The following PLCH1 variants were observed in gnomAD, a reference collection of about 807,000 sequenced individuals.
PLCH1 encodes 1-phosphatidylinositol 4,5-bisphosphate phosphodiesterase eta-1.
PLCH1 carries 60 observed loss-of-function variants against 126.7 expected under a neutral mutation model. The ratio of observed to expected loss-of-function variants is 0.47; its 90% CI spans 0.38 to 0.59. The LOEUF is 0.59. Ranked by LOEUF, PLCH1 falls within the 20% of genes least tolerant of loss-of-function variation. PLCH1 has a pLI of 0.00. For missense variants in PLCH1, 1,723 were observed against 2,040.0 expected, an observed-to-expected ratio of 0.84 and a Z score of 2.99; for synonymous variants, 719 against 734.9, an observed-to-expected ratio of 0.98 and a Z score of 0.35.
At chr3:155,501,809 A>C (rs921508211) in intron 13 of PLCH1, among the ~76,000 whole-genome samples, 2 of 152,114 alleles carry the variant, frequency 1.3e-5, no homozygotes, top group Admixed American at 6.6e-5. Context: ...ATAAATAAAT[A>C]AACAATACAA....
chr3:155,742,787 C>A (rs950202681), intron 1 of PLCH1: 5 of 152,858 alleles, frequency 3.3e-5, no homozygotes, highest in Non-Finnish European at 7.3e-5. Context: ...TGGGAGACAA[C>A]TTTAACAGCA....
intron 2 of PLCH1, among the ~76,000 whole-genome samples, chr3:155,681,584 A>T (rs1159997095): frequency 6.6e-6 from 1 of 152,144 alleles, no homozygotes; most frequent in African/African-American, 2.4e-5. Flanking sequence ...CTCTTTTTTT[A>T]TCTGAATGTC....
At position 155,497,413 on chromosome 3, in the gene PLCH1, C is replaced by G. The variant is rs1717204305; in HGVS notation, c.1801G>C (p.Gly601Arg). The G allele has an allele frequency of 1.2e-6, 2 of 1,612,140 alleles. No individual in the cohort carries two copies. Among genetic ancestry groups the G allele is most frequent in the Non-Finnish European group, 1.7e-6 (2 of 1,178,252 alleles). ...AGCTTCATGGTTTTCCTTCGGCGAC[C>G]CAATCTGTGAAGTACCCACAGAGGA... ...GKEGGQLYRLGRRRKTMKLCR... is the reference protein window; with the variant it reads ...GKEGGQLYRLRRRRKTMKLCR... The change falls in exon 15 of 23, where the codon GGT becomes CGT. Residue 601 changes from glycine (G) to arginine (R), a missense_variant. Around this residue, in one of 2 missense-constraint regions of PLCH1, gnomAD observed 776 missense variants for 1,062.9 expected, o/e 0.73. Coordinates refer to ENST00000460012, the MANE Select transcript of PLCH1 (RefSeq NM_014996.4).
In PLCH1 at chr3:155,604,571, G is replaced by A. The variant is rs148517508; in HGVS notation, c.80-8193C>T. 7.2e-3 allele frequency among the ~76,000 whole-genome samples: 1,094 copies of A among 152,280 alleles called. 7 individuals carry two copies. The highest frequency in any genetic ancestry group is 0.021 in the South Asian group (100 of 4,824). Reference sequence around the variant, plus strand: ...AAAGGGTGAAAGGAATTCATCAGTAGTTTGTTAAATGTCAGACCTTTTTCT... The same window carrying A: ...AAAGGGTGAAAGGAATTCATCAGTAATTTGTTAAATGTCAGACCTTTTTCT... On this transcript the variant is annotated intron_variant, in intron 2 of 22. Transcript: ENST00000460012.
chr3:155,724,978 T>C (rs1748217008), intron 1 of PLCH1, among the ~76,000 whole-genome samples: 2 of 152,198 alleles, frequency 1.3e-5, no homozygotes, highest in Admixed American at 1.3e-4. Flanking sequence ...TTAGTAGTTG[T>C]GAATTTTCTC....
At chr3:155,619,780 G>C (rs1189600439) in intron 2 of PLCH1, among the ~76,000 whole-genome samples, 1 of 151,914 alleles carries the variant, frequency 6.6e-6, no homozygotes, top group South Asian at 2.1e-4. Context: ...TCCAACCACA[G>C]ACAGTTGGAA....
intron 1 of PLCH1, among the ~76,000 whole-genome samples, chr3:155,735,745 C>T (rs890514994): frequency 1.3e-5 from 2 of 151,930 alleles, no homozygotes; most frequent in Non-Finnish European, 2.9e-5. Flanking sequence ...TTTACCCATT[C>T]TGCAATGTAT....
intron 2 of PLCH1, among the ~76,000 whole-genome samples, chr3:155,675,495 C>CTA (rs1374621132): frequency 6.6e-6 from 1 of 152,130 alleles, no homozygotes; most frequent in Non-Finnish European, 1.5e-5. Context: ...TTCTGCCATT[C>CTA]TATTTTATAG....
chr3:155,567,872 G>A lies in PLCH1; in HGVS notation c.865+359C>T, dbSNP rs111736077. On this transcript the variant is annotated intron_variant, in intron 7 of 22. Transcript: ENST00000460012. The stretch of plus-strand genomic sequence containing the variant: ...TTAAAGGAAACATGGCAAGTCACTA[G>A]TCTCAGGGATAACTTATTTTAGGAC... Among the ~76,000 whole-genome samples, 9 of 152,154 alleles carry A rather than the reference G, an allele frequency of 5.9e-5. 1 individual carries two copies. The highest frequency in any genetic ancestry group is 2.2e-4 in the African/African-American group (9 of 41,432).
intron 1 of PLCH1, among the ~76,000 whole-genome samples, chr3:155,738,142 A>C (rs750132700): frequency 6.6e-6 from 1 of 152,212 alleles, no homozygotes. Flanking sequence ...TTGGAGAATA[A>C]GCTACAGAAA....
intron 21 of PLCH1, among the ~76,000 whole-genome samples, chr3:155,458,530 GAA>G (rs1475459953): frequency 2.2e-5 from 3 of 137,340 alleles, no homozygotes; most frequent in African/African-American, 8.7e-5. Context: ...GAAAGAGAAA[GAA>G]AGAAAAAGAA....
chr3:155,642,366 G>A (rs1739498629), intron 2 of PLCH1, among the ~76,000 whole-genome samples: 1 of 152,162 alleles, frequency 6.6e-6, no homozygotes, highest in Admixed American at 6.5e-5. Context: ...CTCCCACACT[G>A]TCTCCACCAT....
intron 8 of PLCH1, among the ~76,000 whole-genome samples, chr3:155,563,830 C>T (rs186906835): frequency 3.3e-5 from 5 of 152,264 alleles, no homozygotes; most frequent in African/African-American, 4.8e-5. Context: ...CCTAGCCTAA[C>T]TGATTTCTCA....
intron 4 of PLCH1, among the ~76,000 whole-genome samples, chr3:155,592,064 T>G (rs1732249882): frequency 6.6e-6 from 1 of 151,970 alleles, no homozygotes; most frequent in African/African-American, 2.4e-5. Context: ...TTATGTCAGT[T>G]AATTTCTCCT....
At chr3:155,662,169 A>G (rs1742236743) in intron 2 of PLCH1, among the ~76,000 whole-genome samples, 1 of 152,178 alleles carries the variant, frequency 6.6e-6, no homozygotes, top group Non-Finnish European at 1.5e-5. Flanking sequence ...AAAACTGTAT[A>G]TGAGCTAGGC....
At chr3:155,707,621 C>G (rs1344628195) in intron 1 of PLCH1, among the ~76,000 whole-genome samples, 1 of 151,726 alleles carries the variant, frequency 6.6e-6, no homozygotes, top group Admixed American at 6.6e-5. Flanking sequence ...CAAGACCATG[C>G]CACTGCACTC....
At position 155,480,059 on chromosome 3, in the gene PLCH1, A is replaced by C. The variant is rs987972759; in HGVS notation, c.*909T>G. ...GAGTTGCTTGGTTCCCTGAAGGAAA[A>C]GGGTTTCTTCTAATTATCTGTTCAC... On this transcript the variant is annotated 3_prime_UTR_variant, in exon 23 of 23. Coordinates refer to ENST00000460012, the MANE Select transcript of PLCH1 (RefSeq NM_014996.4). The C allele has an allele frequency of 6.6e-6, 1 of 152,578 alleles. No individual in the cohort carries two copies. Among genetic ancestry groups the C allele is most frequent in the Non-Finnish European group, 1.5e-5 (1 of 68,010 alleles). 9.5% of individuals were successfully genotyped at this position (152,578 alleles called of 1,614,324 possible).
In PLCH1 at chr3:155,660,564, T is replaced by A. The variant is rs73876903; in HGVS notation, c.79+43582A>T. On this transcript the variant is annotated intron_variant, in intron 2 of 22. Coordinates refer to ENST00000460012, the MANE Select transcript of PLCH1 (RefSeq NM_014996.4). ...TTGCCCCTGAAAAACATATACTTCATCCTAATATCCTAATTTTAAAGTGAT... is the reference window on the plus strand; with the variant it reads ...TTGCCCCTGAAAAACATATACTTCAACCTAATATCCTAATTTTAAAGTGAT... Among the ~76,000 whole-genome samples, 1,051 of 152,280 alleles carry A rather than the reference T, an allele frequency of 6.9e-3. 15 individuals carry two copies. Among genetic ancestry groups the A allele is most frequent in the African/African-American group, 0.024 (1,000 of 41,560 alleles).
chr3:155,504,321 T>C (rs1466664687), intron 13 of PLCH1, among the ~76,000 whole-genome samples: 1 of 147,534 alleles, frequency 6.8e-6, no homozygotes, highest in Admixed American at 6.6e-5. Flanking sequence ...TTTGGATATA[T>C]TATTGGATAT....
Sources: gnomAD v4.1 joint callset for allele counts (sites outside exome capture counted in the v4.1 genomes callset) on GRCh38, gnomAD v4.1.1 for gene constraint, gnomAD v4.1.1 regional missense constraint, MANE v1.5 for transcripts, NCBI Gene and HGNC (gene_info 2026-07-23, HGNC 2026-07-21) for gene names.